AXDND1: variants seen among roughly 807,000 people sequenced by gnomAD.
AXDND1 encodes the protein axonemal dynein light chain domain containing 1.
AXDND1 carries 110 observed loss-of-function variants against 137.5 expected under a neutral mutation model. The ratio of observed to expected loss-of-function variants is 0.80; its 90% CI spans 0.69 to 0.94. AXDND1 has a LOEUF of 0.94. Among genes scored for constraint, AXDND1 ranks in the 40% least tolerant of loss-of-function variants. The probability of loss-of-function intolerance (pLI) is 0.00; values close to 1 mark genes in which losing one functional copy is unlikely to be tolerated. For missense variants in AXDND1, 1,191 were observed against 1,169.8 expected (o/e 1.02, Z -0.26); for synonymous variants, 414 against 399.7 (o/e 1.04, Z -0.43).
At chr1:179,507,824 C>T (rs1186300920) in intron 20 of AXDND1, among the ~76,000 whole-genome samples, 1 of 151,950 alleles carries the variant, frequency 6.6e-6, no homozygotes, top group African/African-American at 2.4e-5. Flanking sequence ...CAAGAACTCT[C>T]AACTAATTAG....
At chr1:179,421,708 G>A (rs1200873336) in intron 12 of AXDND1, among the ~76,000 whole-genome samples, 1 of 151,792 alleles carries the variant, frequency 6.6e-6, no homozygotes, top group African/African-American at 2.4e-5. Context: ...ATTTAGTCTA[G>A]CTAAAGCTTT....
intron 4 of AXDND1, among the ~76,000 whole-genome samples, chr1:179,372,752 C>T (rs971339938): frequency 4.6e-5 from 7 of 151,986 alleles, no homozygotes; most frequent in East Asian, 3.9e-4. Context: ...GGCGCAGTCT[C>T]GGCTCACCAC....
At chr1:179,497,383 C>T (rs1245071391) in intron 20 of AXDND1, among the ~76,000 whole-genome samples, 1 of 152,004 alleles carries the variant, frequency 6.6e-6, no homozygotes, top group African/African-American at 2.4e-5. Flanking sequence ...TGAATTGACT[C>T]TATCATTATG....
rs549376785 is a variant in AXDND1, at chr1:179,490,570, T to C, written c.2092-968T>C. Among the ~76,000 whole-genome samples the C allele has an allele frequency of 2.6e-5, 4 of 152,312 alleles. No homozygotes were observed. The South Asian group carries it at 8.3e-4, about 32-fold the overall frequency. ...TACTAAATATTTAATGTCCTAACAA[T>C]TTATTAACCATTTGGAAAAGTACTA... is the stretch of plus-strand genomic sequence containing the variant. On this transcript the variant is annotated intron_variant, in intron 18 of 25. Transcript: ENST00000367618.
At chr1:179,459,668 TTTCTTTTCTC>T (rs146980829) in intron 16 of AXDND1, among the ~76,000 whole-genome samples, 19 of 113,048 alleles carry the variant, frequency 1.7e-4, no homozygotes, top group East Asian at 1.5e-3. Flanking sequence ...AAAGGCTTGC[TTTCTTTTCTC>T]TTCTTTTCTT....
In AXDND1 at chr1:179,547,448, T is replaced by C. The variant is rs558717353; in HGVS notation, c.3032-7064T>C. 2.0e-5 allele frequency among the ~76,000 whole-genome samples: 3 copies of C among 152,340 alleles called. No individual in the cohort carries two copies. The East Asian group carries it at 5.8e-4, about 29-fold the overall frequency. ...GATGAACTATGCAGAGTGCAGGTTT[T>C]TGAGAAGTGCAGCTTGTCTAAAATG... On this transcript the variant is annotated intron_variant, in intron 25 of 25. Transcript: ENST00000367618.
chr1:179,441,445 C>T (rs964112864), intron 15 of AXDND1, among the ~76,000 whole-genome samples: 2 of 152,220 alleles, frequency 1.3e-5, no homozygotes, highest in Non-Finnish European at 2.9e-5. Context: ...TTCCTACATC[C>T]TGACAAGCTC....
chr1:179,534,919 A>C lies in AXDND1; in HGVS notation c.2988A>C (p.Glu996Asp). 6.2e-7 allele frequency: 1 copy of C among 1,608,706 alleles called. No homozygotes were observed. Among genetic ancestry groups the C allele is most frequent in the Non-Finnish European group, 8.5e-7 (1 of 1,178,822 alleles). The change falls in exon 25 of 26, where the codon GAA (glutamate) becomes GAC (aspartate). Residue 996 changes from glutamate to aspartate, a missense_variant. Transcript: ENST00000367618. ...AAGAAGAAGAACAACAAGAAGAAGA[A>C]GAAGTCAGGTCAGCAGAAAATTCCT... ...VKEEEEQQEE[E>D]EVRSAENSSK...
chr1:179,488,649 TTC>T (rs1212933494), intron 18 of AXDND1, among the ~76,000 whole-genome samples: 1 of 97,062 alleles, frequency 1.0e-5, no homozygotes, highest in African/African-American at 5.0e-5. Context: ...CTTTCTTTCT[TTC>T]TTTCTTTCTT....
intron 21 of AXDND1, among the ~76,000 whole-genome samples, chr1:179,516,173 T>G (rs1020101059): frequency 1.2e-4 from 18 of 152,170 alleles, no homozygotes; most frequent in African/African-American, 4.1e-4. Flanking sequence ...TTTGTCTTTG[T>G]TGGATTGGGT....
intron 20 of AXDND1, among the ~76,000 whole-genome samples, chr1:179,507,403 A>G (rs1435668432): frequency 1.3e-5 from 2 of 152,210 alleles, no homozygotes; most frequent in African/African-American, 4.8e-5. Flanking sequence ...GAAAATGACC[A>G]GGATCTGTTT....
intron 22 of AXDND1, among the ~76,000 whole-genome samples, chr1:179,527,884 G>C (rs964983): frequency 0.32 from 48,295 of 151,846 alleles, 8,326 homozygotes; most frequent in Middle Eastern, 0.43. Flanking sequence ...TTGAGCCCCT[G>C]TCCTCTCTAT....
intron 16 of AXDND1, among the ~76,000 whole-genome samples, chr1:179,458,851 A>G (rs1661795638): frequency 6.9e-6 from 1 of 145,874 alleles, no homozygotes. Context: ...GATGCTTGAT[A>G]TCAACATTTT....
intron 12 of AXDND1, among the ~76,000 whole-genome samples, chr1:179,417,343 T>C (rs1654864765): frequency 6.6e-6 from 1 of 152,200 alleles, no homozygotes; most frequent in Admixed American, 6.5e-5. Flanking sequence ...AGAAGGTTTG[T>C]AGCTTGATGT....
intron 9 of AXDND1, 51 bp from the exon 10 acceptor site, chr1:179,393,852 T>C: frequency 6.7e-7 from 1 of 1,492,160 alleles, no homozygotes. Flanking sequence ...CCTGAGAATT[T>C]ACTAAATTCA....
chr1:179,488,458 G>T (rs752218540), intron 18 of AXDND1, among the ~76,000 whole-genome samples: 3 of 147,854 alleles, frequency 2.0e-5, no homozygotes, highest in Admixed American at 6.7e-5. Context: ...TAGAGATGGG[G>T]TTTCACCAAA....
Position 179,492,883 on chromosome 1 carries a change from G to A in AXDND1, c.2320G>A (p.Ala774Thr), listed in dbSNP as rs761107747. 10 of 1,608,906 alleles carry A rather than the reference G, an allele frequency of 6.2e-6. No individual in the cohort carries two copies. Among genetic ancestry groups the A allele is most frequent in the Non-Finnish European group, 8.5e-6 (10 of 1,178,576 alleles). ...TTGCAAAGGGATGGTAACAGCAATG[G>A]CTCTGAGTAAATCCACTAACTCACA... Reference protein sequence around the residue: ...SCCKGMVTAMALSKSTNSHKN... With the variant: ...SCCKGMVTAMTLSKSTNSHKN... The change falls in exon 20 of 26, where the codon GCT becomes ACT. Residue 774 changes from alanine (A) to threonine (T), a missense_variant. Physicochemically the swap from Ala to Thr is moderately conservative, Grantham distance 58. Transcript: ENST00000367618.
chr1:179,430,469 A>C lies in AXDND1; in HGVS notation c.1350A>C (p.Ala450=), dbSNP rs149836206. Residue 450 remains alanine, a synonymous_variant, in exon 14 of 26, where the codon GCA becomes GCC. Coordinates refer to ENST00000367618, the MANE Select transcript of AXDND1 (RefSeq NM_144696.6). ...LLSNKDTEDL[A]LLQKLTQKWR... ...TTATATAGGACACTGAAGACCTTGC[A>C]CTGTTGCAGAAGTTGACACAAAAAT... The C allele has an allele frequency of 5.5e-5, 88 of 1,613,176 alleles. No homozygotes were observed. The highest frequency in any genetic ancestry group is 7.4e-5 in the Non-Finnish European group (87 of 1,179,564).
intron 5 of AXDND1, 73 bp downstream of exon 5, chr1:179,378,830 A>C (rs1647734478): frequency 4.0e-5 from 47 of 1,169,388 alleles, no homozygotes; most frequent in Non-Finnish European, 5.0e-5. Flanking sequence ...AATGATTTTT[A>C]ATATAAATAT....
Sources: gnomAD v4.1 joint callset for allele counts (sites outside exome capture counted in the v4.1 genomes callset) on GRCh38, gnomAD v4.1.1 for gene constraint, MANE v1.5 for transcripts, NCBI Gene and HGNC (gene_info 2026-07-23, HGNC 2026-07-21) for gene names.